VRTN: variants seen among roughly 807,000 people sequenced by gnomAD.
VRTN encodes vertnin.
A neutral mutation model predicts 18.2 loss-of-function variants in VRTN; 5 were observed. The ratio of observed to expected loss-of-function variants is 0.27; its 90% CI spans 0.14 to 0.58. The LOEUF (loss-of-function observed/expected upper bound fraction) is 0.58. VRTN is among the 20% of genes least tolerant of loss of function. The pLI is 0.91. For synonymous variants in VRTN, 381 were observed against 393.7 expected (o/e 0.97, Z 0.38); for missense variants, 741 against 939.4 (o/e 0.79, Z 2.76).
In VRTN at chr14:74,341,345, T is replaced by C. The variant is rs144265066; in HGVS notation, c.-2+3461T>C. On this transcript the variant is annotated intron_variant, in intron 2 of 2. Coordinates refer to the VRTN transcript ENST00000557177. Reference sequence around the variant, plus strand: ...CAAAGCTGGAATACTGACCCTATCATACTCCAAAATTTAGACTTTTTACCA... The same window carrying C: ...CAAAGCTGGAATACTGACCCTATCACACTCCAAAATTTAGACTTTTTACCA... Among the ~76,000 whole-genome samples the C allele has an allele frequency of 2.6e-5, 4 of 152,318 alleles. No homozygotes were observed. The East Asian group carries it at 7.7e-4, about 29-fold the overall frequency.
At chr14:74,326,867 G>A (rs150797235) in intron 1 of VRTN, among the ~76,000 whole-genome samples, 81 of 152,270 alleles carry the variant, frequency 5.3e-4, no homozygotes, top group African/African-American at 1.9e-3. Context: ...GAGGGGAGTT[G>A]CTGTGACACA....
intron 1 of VRTN, among the ~76,000 whole-genome samples, chr14:74,311,923 C>T (rs141403298): frequency 6.6e-6 from 1 of 151,706 alleles, no homozygotes; most frequent in Non-Finnish European, 1.5e-5. Flanking sequence ...CATCCGCCAC[C>T]ATGCCTGGAT....
chr14:74,308,075 G>A (rs1299390237), intron 1 of VRTN, among the ~76,000 whole-genome samples: 2 of 152,022 alleles, frequency 1.3e-5, no homozygotes, highest in East Asian at 1.9e-4. Context: ...AACTGTGATC[G>A]ATGTTTTCTT....
At chr14:74,351,968 C>T (rs965405381) in intron 1 of VRTN, among the ~76,000 whole-genome samples, 3 of 151,548 alleles carry the variant, frequency 2.0e-5, no homozygotes, top group South Asian at 2.1e-4. Context: ...CTCAGCCTCC[C>T]GAGTAGCTGG....
At chr14:74,327,963 C>T (rs2085498263) in intron 1 of VRTN, among the ~76,000 whole-genome samples, 1 of 152,078 alleles carries the variant, frequency 6.6e-6, no homozygotes, top group Admixed American at 6.6e-5. Flanking sequence ...TCAGATGATC[C>T]ACCCACCTCA....
chr14:74,322,509 C>T (rs1567040014), intron 1 of VRTN, among the ~76,000 whole-genome samples: 2 of 152,114 alleles, frequency 1.3e-5, no homozygotes, highest in Non-Finnish European at 1.5e-5. Context: ...TATCTATTAT[C>T]GTTTGTTCTC....
Position 74,358,589 on chromosome 14 carries a change from G to A in VRTN, c.1806G>A (p.Gly602=). 6.2e-7 allele frequency: 1 copy of A among 1,600,960 alleles called. No individual in the cohort carries two copies. Among genetic ancestry groups the A allele is most frequent in the East Asian group, 2.2e-5 (1 of 44,758 alleles). ...CTTCTTCAGAAGATGTAGAGGGAGG[G>A]CCTTCCAGAGAGGGGGCCCTGCAGG... The part of the protein sequence containing the change: ...VGASSEDVEG[G]PSREGALQEG... The change falls in exon 2 of 2, where the codon GGG becomes GGA. Residue 602 remains glycine (G), a synonymous_variant. Coordinates refer to ENST00000256362, the MANE Select transcript of VRTN (RefSeq NM_018228.3). The surrounding 1 kb of genome is among the most constrained non-coding windows in gnomAD (Gnocchi z 5.4).
chr14:74,306,414 T>C (rs957726531), intron 1 of VRTN: 1 of 152,020 alleles, frequency 6.6e-6, no homozygotes, highest in South Asian at 2.1e-4. Flanking sequence ...CTTAAATTCC[T>C]AGGCTCAAGT....
chr14:74,345,058 A>AT (rs1340240679), upstream of VRTN, among the ~76,000 whole-genome samples: 4 of 151,926 alleles, frequency 2.6e-5, no homozygotes, highest in Admixed American at 2.6e-4. Flanking sequence ...TTTTTCATTT[A>AT]TTTTTTTGAG....
At chr14:74,354,802 A>T (rs2085713054) in intron 1 of VRTN, among the ~76,000 whole-genome samples, 1 of 152,110 alleles carries the variant, frequency 6.6e-6, no homozygotes, top group South Asian at 2.1e-4. Context: ...AGTGATGTAG[A>T]TCTTTAGTGG....
At chr14:74,342,960 TA>T (rs1002393722) in intron 2 of VRTN, among the ~76,000 whole-genome samples, 41 of 152,212 alleles carry the variant, frequency 2.7e-4, no homozygotes, top group Admixed American at 2.6e-3. Context: ...CATCATAATT[TA>T]AAAATGTAAA....
Position 74,329,494 on chromosome 14 carries a change from G to A in VRTN, c.-163-8229G>A, listed in dbSNP as rs1199391993. 3.9e-5 allele frequency among the ~76,000 whole-genome samples: 6 copies of A among 152,128 alleles called. No homozygotes were observed. In the East Asian group the frequency reaches 1.2e-3, roughly 29 times the overall value. ...GCCCTGGCTGGTCTTGAACTCCTGG[G>A]CTCAAGAATTGACCCACCTTGACCC... On this transcript the variant is annotated intron_variant, in intron 1 of 2. Coordinates refer to the VRTN transcript ENST00000557177.
chr14:74,321,927 A>G (rs1194188990), intron 1 of VRTN, among the ~76,000 whole-genome samples: 1 of 151,704 alleles, frequency 6.6e-6, no homozygotes, highest in East Asian at 1.9e-4. Flanking sequence ...TGCAACCTCC[A>G]CCTCCCGGGT....
chr14:74,355,496 A>G (rs998941740), intron 1 of VRTN, among the ~76,000 whole-genome samples: 2 of 152,074 alleles, frequency 1.3e-5, no homozygotes, highest in Non-Finnish European at 2.9e-5. Flanking sequence ...GTACTTAAGG[A>G]TAACGGTTTT....
chr14:74,308,279 AT>A (rs2085367511), intron 1 of VRTN, among the ~76,000 whole-genome samples: 1 of 152,090 alleles, frequency 6.6e-6, no homozygotes, highest in African/African-American at 2.4e-5. Flanking sequence ...TGGGATCCAA[AT>A]AAGGTCTACA....
intron 1 of VRTN, among the ~76,000 whole-genome samples, chr14:74,349,278 T>G (rs1197278256): frequency 1.3e-5 from 2 of 152,188 alleles, no homozygotes; most frequent in African/African-American, 4.8e-5. Flanking sequence ...CTTGCCCAGC[T>G]GGCCTCCAGG....
At chr14:74,350,913 G>A (rs915071841) in intron 1 of VRTN, among the ~76,000 whole-genome samples, 1 of 152,166 alleles carries the variant, frequency 6.6e-6, no homozygotes, top group African/African-American at 2.4e-5. Context: ...TCAGGAAATC[G>A]GCTAATTGCG....
At position 74,358,832 on chromosome 14, in the gene VRTN, C is replaced by T. The variant is rs765844981; in HGVS notation, c.2049C>T (p.Arg683=). 8 of 1,614,208 alleles carry T rather than the reference C, an allele frequency of 5.0e-6. No homozygotes were observed. The highest frequency in any genetic ancestry group is 6.8e-6 in the Non-Finnish European group (8 of 1,180,010). Reference sequence around the variant, plus strand: ...GTGCCCTCTTTCCCCTCACTGCCCGCTCCACATACTACATGTGGAAGCGAG... The same window carrying T: ...GTGCCCTCTTTCCCCTCACTGCCCGTTCCACATACTACATGTGGAAGCGAG... ...EFSALFPLTA[R]STYYMWKRAL... is the part of the protein sequence containing the mutation. Residue 683 remains arginine, a synonymous_variant, in exon 2 of 2, where the codon CGC becomes CGT. Coordinates refer to ENST00000256362, the MANE Select transcript of VRTN (RefSeq NM_018228.3). This position sits in a 1 kb window ranked among gnomAD's most constrained non-coding sequence, Gnocchi z 5.4.
chr14:74,329,365 C>G (rs111880924), intron 1 of VRTN, among the ~76,000 whole-genome samples: 1,968 of 152,200 alleles, frequency 0.013, 26 homozygotes, highest in Non-Finnish European at 0.019. Flanking sequence ...CCTCCCATCT[C>G]AGCTTCCTGA....
Sources: allele counts gnomAD v4.1 joint callset (sites outside exome capture counted in the v4.1 genomes callset), GRCh38; gene constraint gnomAD v4.1.1; non-coding constraint Gnocchi (gnomAD v3.1); transcripts MANE v1.5; gene names NCBI Gene and HGNC (gene_info 2026-07-23, HGNC 2026-07-21).